The following SFI1 variants were observed in gnomAD, a reference collection of about 807,000 sequenced individuals.
SFI1 encodes the protein SFI1 centrin binding protein, also known as protein SFI1 homolog.
SFI1 carries 195 observed loss-of-function variants against 207.5 expected under a neutral mutation model. That is an observed-to-expected ratio of 0.94 (90% CI 0.84 to 1.06). The LOEUF (loss-of-function observed/expected upper bound fraction) is 1.06. SFI1 is among the 50% of genes least tolerant of loss of function. SFI1 has a pLI of 0.00. For synonymous variants in SFI1, 630 were observed against 598.9 expected (o/e 1.05, Z -0.76); for missense variants, 1,634 against 1,588.0 (o/e 1.03, Z -0.49).
At chr22:31,558,468 A>ATTT (rs543306404) in intron 7 of SFI1, among the ~76,000 whole-genome samples, 1 of 143,988 alleles carries the variant, frequency 6.9e-6, no homozygotes, top group Non-Finnish European at 1.5e-5. Flanking sequence ...GTCTGAGTGA[A>ATTT]TTTTTTTTTT....
At chr22:31,591,382 C>G (rs533845797) in intron 15 of SFI1, among the ~76,000 whole-genome samples, 41 of 152,312 alleles carry the variant, frequency 2.7e-4, no homozygotes, top group East Asian at 1.7e-3. Context: ...CACACAGACA[C>G]GGCAACCATC....
At chr22:31,595,753 T>C (rs2067008294) in intron 15 of SFI1, among the ~76,000 whole-genome samples, 2 of 152,146 alleles carry the variant, frequency 1.3e-5, no homozygotes, top group Admixed American at 6.6e-5. Context: ...GTGAGGATGG[T>C]GGCTGGAGTG....
chr22:31,541,743 C>CAAAAA (rs71673219), intron 4 of SFI1, among the ~76,000 whole-genome samples: 1 of 86,228 alleles, frequency 1.2e-5, no homozygotes, highest in Admixed American at 1.4e-4. Flanking sequence ...GACTCCATCT[C>CAAAAA]AAAAAAAAAA....
At chr22:31,521,131 A>C (rs561819223) in intron 2 of SFI1, 1 of 154,082 alleles carries the variant, frequency 6.5e-6, no homozygotes, top group South Asian at 2.1e-4. Flanking sequence ...ATTCCCCTGG[A>C]ATCACCAACA....
intron 4 of SFI1, among the ~76,000 whole-genome samples, chr22:31,531,868 C>T (rs1016925925): frequency 2.1e-5 from 3 of 145,104 alleles, no homozygotes; most frequent in Non-Finnish European, 3.0e-5. Context: ...ACTCCAGCCT[C>T]GGCAACAAGA....
rs185038059 is a variant in SFI1, at chr22:31,580,338, C to G, written c.1222C>G (p.Leu408Val). 3.7e-5 allele frequency: 59 copies of G among 1,613,952 alleles called. No homozygotes were observed. The highest frequency in any genetic ancestry group is 4.9e-5 in the Non-Finnish European group (58 of 1,179,878). The change falls in exon 12 of 33, where the codon CTT (leucine) becomes GTT (valine). Residue 408 changes from leucine (L) to valine (V), a missense_variant. By Grantham distance (32) the Leu-to-Val change is conservative (BLOSUM62 1). Transcript: ENST00000400288. ...HAHLQQIRRN[L>V]AHQQHGVTLL... ...TCATCTCCAGCAAATAAGAAGGAATCTTGCTCACCAGCAGCATGGTGTCAC... is the reference window on the plus strand; with the variant it reads ...TCATCTCCAGCAAATAAGAAGGAATGTTGCTCACCAGCAGCATGGTGTCAC...
At chr22:31,584,155 G>C (rs1259632251) in intron 13 of SFI1, among the ~76,000 whole-genome samples, 183 bp downstream of exon 13, 1 of 152,166 alleles carries the variant, frequency 6.6e-6, no homozygotes, top group Admixed American at 6.6e-5. Flanking sequence ...TCAGATGGGA[G>C]ATAGAATGAG....
intron 13 of SFI1, among the ~76,000 whole-genome samples, chr22:31,584,204 A>T (rs2064721261): frequency 6.6e-6 from 1 of 152,168 alleles, no homozygotes; most frequent in African/African-American, 2.4e-5. Flanking sequence ...AGTCTGAAGT[A>T]TGTGCCTGGT....
chr22:31,614,181 G>T, intron 27 of SFI1: 1 of 380,710 alleles, frequency 2.6e-6, no homozygotes, highest in Non-Finnish European at 4.8e-6. Context: ...GTTGACAAAG[G>T]GAACAAGCTC....
At chr22:31,601,899 C>A (rs980073561) in intron 15 of SFI1, among the ~76,000 whole-genome samples, 2 of 151,844 alleles carry the variant, frequency 1.3e-5, no homozygotes, top group South Asian at 2.1e-4. Flanking sequence ...CTCAGGCGAT[C>A]CCCCCACCTC....
intron 9 of SFI1, 130 bp from the exon 10 acceptor site, chr22:31,575,101 T>G: frequency 3.1e-6 from 1 of 323,570 alleles, no homozygotes; most frequent in Non-Finnish European, 4.8e-6. Context: ...TGTGTGTGTG[T>G]GTGTGTGTGT....
Position 31,618,110 on chromosome 22 carries a change from C to T in SFI1, c.3513-5C>T, listed in dbSNP as rs757370252. ...TGGCAGGCAGTGGGTATCTCCACCC[C>T]TCAGGTCCTGTCGGCGGCAAGCGAG... On this transcript the variant is annotated splice_region_variant and splice_polypyrimidine_tract_variant and intron_variant, in intron 31 of 32. Coordinates refer to ENST00000400288, the MANE Select transcript of SFI1 (RefSeq NM_001007467.3). 11 of 1,565,540 alleles carry T rather than the reference C, an allele frequency of 7.0e-6. No homozygotes were observed. In the East Asian group the frequency reaches 1.4e-4, roughly 20 times the overall value.
chr22:31,516,483 A>G (rs186977440), intron 2 of SFI1, among the ~76,000 whole-genome samples: 2 of 152,034 alleles, frequency 1.3e-5, no homozygotes, highest in Non-Finnish European at 2.9e-5. Context: ...CCTGCACTCC[A>G]GCCTGGGCAA....
rs548019799 is a variant in SFI1, at chr22:31,556,251, C to G, written c.545-691C>G. 4.0e-3 allele frequency among the ~76,000 whole-genome samples: 588 copies of G among 145,424 alleles called. 2 individuals are homozygous for G. Among genetic ancestry groups the G allele is most frequent in the African/African-American group, 0.014 (542 of 39,296 alleles). On this transcript the variant is annotated intron_variant, in intron 6 of 32. Transcript: ENST00000400288. The stretch of plus-strand genomic sequence containing the variant: ...CTTTTTTTTTTTTTTGAGACGGAGT[C>G]TTGCTCTGTCGCCCAGGCTAGAGTG...
rs768223929 is a variant in SFI1 at position 31,603,799 on chromosome 22, G to C, written c.1861G>C (p.Ala621Pro). ...CCACATGGCCCAGCTCCTGCGTTGG[G>C]CCTGGAGCCAGTGGAGGGAGGTAAG... ...EFHMAQLLRW[A>P]WSQWRECLAL... Residue 621 changes from alanine (A) to proline (P), a missense_variant, in exon 18 of 33, where the codon GCC (alanine) becomes CCC (proline). Transcript: ENST00000400288. The C allele has an allele frequency of 5.1e-6, 8 of 1,569,176 alleles. No individual in the cohort carries two copies. The East Asian group carries it at 1.9e-4, about 38-fold the overall frequency.
chr22:31,580,366 T>C lies in SFI1; in HGVS notation c.1248+2T>C. ...GCTCACCAGCAGCATGGTGTCACGG[T>C]GAGGGTTGTCTTCTGTATCAAGGGA... is the stretch of plus-strand genomic sequence containing the variant. On this transcript the variant is annotated splice_donor_variant, in intron 12 of 32. Coordinates refer to ENST00000400288, the MANE Select transcript of SFI1 (RefSeq NM_001007467.3). LOFTEE classifies it high-confidence loss of function. The C allele has an allele frequency of 6.2e-7, 1 of 1,613,128 alleles. No homozygotes were observed. Among genetic ancestry groups the C allele is most frequent in the Non-Finnish European group, 8.5e-7 (1 of 1,179,104 alleles).
chr22:31,575,080 T>C lies in SFI1; in HGVS notation c.923-151T>C, dbSNP rs1218973235. The stretch of plus-strand genomic sequence containing the variant: ...ACTCAAAGAAAAAAAAAAAAAAACT[T>C]AGTGCGTGTGTGTGTGTGTGTGTGT... On this transcript the variant is annotated intron_variant, in intron 9 of 32. Transcript: ENST00000400288. 322 of 406,762 alleles carry C rather than the reference T, an allele frequency of 7.9e-4. 3 individuals are homozygous for C. Among genetic ancestry groups the C allele is most frequent in the Non-Finnish European group, 1.0e-3 (293 of 279,592 alleles). 25.2% of individuals were successfully genotyped at this position (406,762 alleles called of 1,614,324 possible).
At chr22:31,614,745 G>T (rs1381706429) in intron 27 of SFI1, 44 bp from the exon 28 acceptor site, 14 of 1,590,296 alleles carry the variant, frequency 8.8e-6, no homozygotes, top group Non-Finnish European at 1.1e-5. Context: ...CCCCCCTGCA[G>T]CCCCTGGTCA....
intron 4 of SFI1, among the ~76,000 whole-genome samples, chr22:31,545,329 C>T (rs774168831): frequency 7.2e-5 from 11 of 151,726 alleles, no homozygotes; most frequent in Admixed American, 1.3e-4. Flanking sequence ...CACACCATTG[C>T]TCTCCAACCT....
Sources: allele counts gnomAD v4.1 joint callset (sites outside exome capture counted in the v4.1 genomes callset), GRCh38; gene constraint gnomAD v4.1.1; transcripts MANE v1.5; gene names NCBI Gene and HGNC (gene_info 2026-07-23, HGNC 2026-07-21).